ZC3H4: variants seen among roughly 807,000 people sequenced by gnomAD.
The protein encoded by ZC3H4 is zinc finger CCCH-type containing 4, also known as zinc finger CCCH domain-containing protein 4.
A neutral mutation model predicts 108.3 loss-of-function variants in ZC3H4; 13 were observed. The ratio of observed to expected loss-of-function variants is 0.12; its 90% CI spans 0.08 to 0.19. The LOEUF (loss-of-function observed/expected upper bound fraction) is 0.19, where lower values mean the gene tolerates loss of function less well. Ranked by LOEUF, ZC3H4 falls within the 10% of genes least tolerant of loss-of-function variation. The pLI is 1.00. For synonymous variants in ZC3H4, 917 were observed against 749.6 expected, an observed-to-expected ratio of 1.22 and a Z score of -3.65; for missense variants, 1,734 against 1,838.8, an observed-to-expected ratio of 0.94 and a Z score of 1.04.
At chr19:47,070,563 T>A (rs1365533776) in intron 13 of ZC3H4, among the ~76,000 whole-genome samples, 1 of 152,156 alleles carries the variant, frequency 6.6e-6, no homozygotes, top group Non-Finnish European at 1.5e-5. Flanking sequence ...GACGCATTTG[T>A]TGAAGGGGGA....
rs533254394 is a variant in ZC3H4 at position 47,071,915 on chromosome 19, G to A, written c.2009C>T (p.Pro670Leu). The change falls in exon 13 of 15, where the codon CCA (proline) becomes CTA (leucine). Residue 670 changes from proline (P) to leucine (L), a missense_variant. Around this residue, in one of 9 missense-constraint regions of ZC3H4, gnomAD observed 540 missense variants for 484.1 expected, o/e 1.12. Coordinates refer to ENST00000253048, the MANE Select transcript of ZC3H4 (RefSeq NM_015168.2). ...GTCTCCAGGGCCGTAGGGCATCATT[G>A]GAGGGCCGCCAGGGCCCATGGGTGG... ...PGPPMGPGGPPMMPYGPGDSP... is the reference protein window; with the variant it reads ...PGPPMGPGGPLMMPYGPGDSP... 3 of 1,612,444 alleles carry A rather than the reference G, an allele frequency of 1.9e-6. No individual in the cohort carries two copies. The highest frequency in any genetic ancestry group is 2.5e-6 in the Non-Finnish European group (3 of 1,179,216).
chr19:47,085,003 G>C, intron 8 of ZC3H4, 53 bp downstream of exon 8: 3 of 1,604,976 alleles, frequency 1.9e-6, no homozygotes, highest in Non-Finnish European at 2.6e-6. Context: ...AAGGGAAAAA[G>C]GACTAAGAAG....
Position 47,066,967 on chromosome 19 carries a change from C to G in ZC3H4, c.3301G>C (p.Glu1101Gln), listed in dbSNP as rs1411607112. ...SSRAAKPGPAEAPSPTASPSG... is the reference protein window; with the variant it reads ...SSRAAKPGPAQAPSPTASPSG... The stretch of plus-strand genomic sequence containing the variant: ...GGGCTGGCGGTGGGAGAGGGCGCCT[C>G]AGCAGGGCCGGGCTTGGCAGCCCGG... The change falls in exon 15 of 15, where the codon GAG becomes CAG. Residue 1101 changes from glutamate (E) to glutamine (Q), a missense_variant. This residue lies in a region of ZC3H4 where 518 missense variants were observed against 499.6 expected (regional missense o/e 1.04). Coordinates refer to ENST00000253048, the MANE Select transcript of ZC3H4 (RefSeq NM_015168.2). 7 of 1,592,340 alleles carry G rather than the reference C, an allele frequency of 4.4e-6. No individual in the cohort carries two copies. The highest frequency in any genetic ancestry group is 6.0e-6 in the Non-Finnish European group (7 of 1,169,722).
chr19:47,110,035 T>C (rs985958409), intron 2 of ZC3H4, among the ~76,000 whole-genome samples: 7 of 152,148 alleles, frequency 4.6e-5, no homozygotes, highest in Admixed American at 2.0e-4. Context: ...CAGTCAGACA[T>C]GTGCTTTCGA....
chr19:47,104,113 G>T (rs2057939205), intron 2 of ZC3H4, among the ~76,000 whole-genome samples: 2 of 152,072 alleles, frequency 1.3e-5, no homozygotes, highest in Admixed American at 1.3e-4. Context: ...GAGGTCAGTA[G>T]TTCAAGACCA....
In ZC3H4 at chr19:47,086,521, G is replaced by T; in HGVS notation, c.733C>A (p.Arg245=). 3.8e-6 allele frequency: 6 copies of T among 1,593,762 alleles called. No homozygotes were observed. Among genetic ancestry groups the T allele is most frequent in the Non-Finnish European group, 5.1e-6 (6 of 1,174,870 alleles). Residue 245 remains arginine (R), a synonymous_variant, in exon 6 of 15, where the codon CGG becomes AGG. Transcript: ENST00000253048. ...CGGCTTCCTCGGCCCCTGTAGCCCC[G>T]GCCCCGGCCTCGGCTGCCTGCATGG... The part of the protein sequence containing the change: ...SRGRGSRGRG[R]GYRGRGSRGG...
At position 47,096,166 on chromosome 19, in the gene ZC3H4, T is replaced by C. The variant is rs534401447; in HGVS notation, c.162-1558A>G. Among the ~76,000 whole-genome samples, 6 of 152,314 alleles carry C rather than the reference T, an allele frequency of 3.9e-5. 1 individual carries two copies. The highest frequency in any genetic ancestry group is 1.2e-4 in the African/African-American group (5 of 41,576). ...CCCAGTTCAAAGGGGATGGGTTCTA[T>C]TTCAAACCCAAGTGGCCCAGCCCCA... On this transcript the variant is annotated intron_variant, in intron 2 of 14. Transcript: ENST00000253048.
Position 47,085,114 on chromosome 19 carries a change from C to A in ZC3H4, c.1049G>T (p.Gly350Val), listed in dbSNP as rs758425409. ...GTTCATTCCGCCCTTGTTCATCCCT[C>A]CTCGGCTGCCACCTCGGCCTCGGCC... Reference protein sequence around the residue: ...GRGRGRGGSRGGMNKGGMNDD... With the variant: ...GRGRGRGGSRVGMNKGGMNDD... Residue 350 changes from glycine (G) to valine (V), a missense_variant, in exon 8 of 15, where the codon GGA becomes GTA. Physicochemically the swap from Gly to Val is moderately radical, Grantham distance 109. Coordinates refer to ENST00000253048, the MANE Select transcript of ZC3H4 (RefSeq NM_015168.2). The A allele has an allele frequency of 4.3e-6, 7 of 1,614,146 alleles. No individual in the cohort carries two copies. The highest frequency in any genetic ancestry group is 5.9e-6 in the Non-Finnish European group (7 of 1,180,036).
chr19:47,107,772 AATCT>A (rs1234749091), intron 2 of ZC3H4, among the ~76,000 whole-genome samples: 1 of 152,222 alleles, frequency 6.6e-6, no homozygotes, highest in Non-Finnish European at 1.5e-5. Context: ...ATGTGCCAGA[AATCT>A]ATTTAAAATA....
intron 9 of ZC3H4, among the ~76,000 whole-genome samples, chr19:47,083,229 G>A (rs1407418986): frequency 2.0e-5 from 3 of 150,884 alleles, no homozygotes; most frequent in Admixed American, 6.6e-5. Flanking sequence ...AGCTTGCAGT[G>A]AGGCAGAACT....
At chr19:47,086,259 T>C in intron 6 of ZC3H4, 125 bp downstream of exon 6, 1 of 1,094,422 alleles carries the variant, frequency 9.1e-7, no homozygotes, top group Non-Finnish European at 1.3e-6. Context: ...GCTCTGAGGC[T>C]TCCCTTCCTT....
At chr19:47,071,033 C>T (rs1275675208) in intron 13 of ZC3H4, among the ~76,000 whole-genome samples, 3 of 152,224 alleles carry the variant, frequency 2.0e-5, no homozygotes, top group Admixed American at 6.5e-5. Flanking sequence ...TCATTCCTCA[C>T]GTTGTGAGTG....
At chr19:47,103,386 C>T (rs1462354202) in intron 2 of ZC3H4, among the ~76,000 whole-genome samples, 3 of 152,110 alleles carry the variant, frequency 2.0e-5, no homozygotes, top group Non-Finnish European at 4.4e-5. Context: ...TCAATGCAGC[C>T]TTGATCTCCT....
At position 47,081,522 on chromosome 19, in the gene ZC3H4, G is replaced by A; in HGVS notation, c.1431C>T (p.Leu477=). The change falls in exon 11 of 15, where the codon CTC becomes CTT. Residue 477 remains leucine (L), a synonymous_variant. Transcript: ENST00000253048. ...TACCCCCGGACATTACCTTATCCAA[G>A]AGCTCCCTCGTCTCTTCGGTCAGAG... ...HDPLTEETRE[L]LDKMLADDAE... 2.5e-6 allele frequency: 4 copies of A among 1,614,182 alleles called. No individual in the cohort carries two copies. The highest frequency in any genetic ancestry group is 3.4e-6 in the Non-Finnish European group (4 of 1,180,010).
chr19:47,094,329 TG>T, intron 3 of ZC3H4, 59 bp downstream of exon 3: 1 of 1,589,814 alleles, frequency 6.3e-7, no homozygotes, highest in Non-Finnish European at 8.6e-7. Context: ...GCTCAGCCCC[TG>T]GGGCTCTCAG....
intron 11 of ZC3H4, among the ~76,000 whole-genome samples, chr19:47,079,493 G>A (rs929400403): frequency 6.6e-6 from 1 of 151,944 alleles, no homozygotes; most frequent in African/African-American, 2.4e-5. Context: ...CCTCCAGCAG[G>A]GGGCAGTCCT....
intron 5 of ZC3H4, among the ~76,000 whole-genome samples, chr19:47,088,420 C>G (rs1001191259): frequency 2.0e-5 from 3 of 151,684 alleles, no homozygotes; most frequent in Non-Finnish European, 4.4e-5. Flanking sequence ...TGGTGGTAGG[C>G]GCCTGTAATC....
At chr19:47,099,455 G>A (rs554960499) in intron 2 of ZC3H4, among the ~76,000 whole-genome samples, 13 of 148,694 alleles carry the variant, frequency 8.7e-5, no homozygotes, top group Non-Finnish European at 8.9e-5. Flanking sequence ...GTGAAACTCC[G>A]TCTCAAAAAA....
At chr19:47,106,308 A>G (rs924919663) in intron 2 of ZC3H4, among the ~76,000 whole-genome samples, 3 of 152,232 alleles carry the variant, frequency 2.0e-5, no homozygotes, top group African/African-American at 7.2e-5. Context: ...CCAGGCAGAC[A>G]TGGTGGCTTA....
Sources: gnomAD v4.1 joint callset for allele counts (sites outside exome capture counted in the v4.1 genomes callset) on GRCh38, gnomAD v4.1.1 for gene constraint, gnomAD v4.1.1 regional missense constraint, MANE v1.5 for transcripts, NCBI Gene and HGNC (gene_info 2026-07-23, HGNC 2026-07-21) for gene names.